The following PDZD2 variants were observed in gnomAD, a reference collection of about 807,000 sequenced individuals.
The protein encoded by PDZD2 is PDZ domain-containing protein 2.
Under a neutral mutation model 220.7 loss-of-function variants are expected in PDZD2, and 90 were observed. That is an observed-to-expected ratio of 0.41 (90% CI 0.34 to 0.49). PDZD2 has a LOEUF of 0.49. Ranked by LOEUF, PDZD2 falls within the 20% of genes least tolerant of loss-of-function variation. The pLI is 0.28. For synonymous variants in PDZD2, 1,375 were observed against 1,450.5 expected, an observed-to-expected ratio of 0.95 and a Z score of 1.18; for missense variants, 3,174 against 3,608.5, an observed-to-expected ratio of 0.88 and a Z score of 3.08.
chr5:32,008,428 C>T (rs1225171633), intron 5 of PDZD2, among the ~76,000 whole-genome samples: 1 of 151,782 alleles, frequency 6.6e-6, no homozygotes, highest in Non-Finnish European at 1.5e-5. Context: ...TTACAGTTGC[C>T]CGCCCACCAC....
intron 1 of PDZD2, among the ~76,000 whole-genome samples, chr5:31,682,384 G>T (rs189669924): frequency 2.4e-4 from 37 of 152,318 alleles, no homozygotes; most frequent in Admixed American, 7.8e-4. Context: ...TTAGTTGATA[G>T]CTTTGTGTTT....
intron 2 of PDZD2, among the ~76,000 whole-genome samples, chr5:31,913,721 A>G (rs986791747): frequency 6.6e-6 from 1 of 152,144 alleles, no homozygotes; most frequent in Non-Finnish European, 1.5e-5. Context: ...GGAAAAACCA[A>G]ATCTGTTTCT....
intron 1 of PDZD2, among the ~76,000 whole-genome samples, chr5:31,696,059 C>T (rs1036481956): frequency 3.9e-5 from 6 of 152,046 alleles, no homozygotes; most frequent in Admixed American, 2.6e-4. Context: ...GCTTGTACAC[C>T]CACTGAGCAA....
intron 4 of PDZD2, among the ~76,000 whole-genome samples, chr5:31,999,203 G>A (rs1751889782): frequency 6.8e-6 from 1 of 147,938 alleles, no homozygotes. Flanking sequence ...TACCTGCAGT[G>A]ACAGCAGTTT....
chr5:31,792,431 T>A (rs1034633903), intron 1 of PDZD2, among the ~76,000 whole-genome samples: 1 of 152,106 alleles, frequency 6.6e-6, no homozygotes, highest in Non-Finnish European at 1.5e-5. Context: ...TTTTGTTTTG[T>A]TTTTTTAGAC....
At chr5:31,810,248 T>C (rs919127857) in intron 2 of PDZD2, among the ~76,000 whole-genome samples, 1 of 20,206 alleles carries the variant, frequency 4.9e-5, no homozygotes, top group African/African-American at 1.5e-4. Flanking sequence ...TGACTTTTTC[T>C]TTTCTTCTCC....
At chr5:31,707,533 A>T (rs1427659658) in intron 1 of PDZD2, among the ~76,000 whole-genome samples, 1 of 152,168 alleles carries the variant, frequency 6.6e-6, no homozygotes, top group East Asian at 1.9e-4. Context: ...AAATTTCTGC[A>T]ACAAGTCACC....
chr5:31,814,972 G>A (rs1445200040), intron 2 of PDZD2, among the ~76,000 whole-genome samples: 1 of 151,916 alleles, frequency 6.6e-6, no homozygotes, highest in South Asian at 2.1e-4. Flanking sequence ...GCCGGGGGCG[G>A]TGGCTCATGC....
At chr5:31,919,610 G>C (rs1446827821) in intron 2 of PDZD2, among the ~76,000 whole-genome samples, 1 of 151,486 alleles carries the variant, frequency 6.6e-6, no homozygotes, top group Non-Finnish European at 1.5e-5. Flanking sequence ...GCAACCCAGA[G>C]TGCTGGGATT....
intron 19 of PDZD2, among the ~76,000 whole-genome samples, chr5:32,081,129 A>G (rs1337015359): frequency 6.6e-6 from 1 of 151,654 alleles, no homozygotes; most frequent in Non-Finnish European, 1.5e-5. Context: ...GGGTTGCTGC[A>G]TGTCAAGTTC....
chr5:31,781,217 C>G (rs532572915), intron 1 of PDZD2, among the ~76,000 whole-genome samples: 4 of 152,178 alleles, frequency 2.6e-5, no homozygotes, highest in Non-Finnish European at 5.9e-5. Context: ...AGTTCAAGGC[C>G]AGCCTGGCCA....
At chr5:31,666,703 C>T (rs1170139118) in intron 1 of PDZD2, among the ~76,000 whole-genome samples, 2 of 152,202 alleles carry the variant, frequency 1.3e-5, no homozygotes, top group African/African-American at 4.8e-5. Flanking sequence ...TCTGAGGCCA[C>T]GCGCTGGGCC....
intron 2 of PDZD2, among the ~76,000 whole-genome samples, chr5:31,978,714 C>CAAAAAAAA (rs10632600): frequency 0.014 from 1,824 of 127,900 alleles, 69 homozygotes; most frequent in African/African-American, 0.053. Flanking sequence ...GACTCCATCT[C>CAAAAAAAA]AAAAAAAAAA....
At chr5:32,003,689 G>A (rs576353874) in intron 5 of PDZD2, among the ~76,000 whole-genome samples, 1 of 152,088 alleles carries the variant, frequency 6.6e-6, no homozygotes, top group African/African-American at 2.4e-5. Context: ...TCTCTTGTTA[G>A]TTTTTTTGTT....
intron 2 of PDZD2, among the ~76,000 whole-genome samples, chr5:31,816,558 T>C (rs929535116): frequency 1.3e-5 from 2 of 151,298 alleles, no homozygotes; most frequent in Non-Finnish European, 2.9e-5. Context: ...ATGACTTTTC[T>C]TTTTTTTTAC....
At chr5:31,682,671 CTGTGTGTGTGTGTGTGTGTGTGTGTG>C (rs70955735) in intron 1 of PDZD2, among the ~76,000 whole-genome samples, 2 of 146,238 alleles carry the variant, frequency 1.4e-5, no homozygotes, top group Admixed American at 6.8e-5. Context: ...AGTCTTTCGG[CTGTGTGTGTGTGTGTGTGTGTGTGTG>C]TGTGTGTGTG....
intron 20 of PDZD2, among the ~76,000 whole-genome samples, chr5:32,091,754 C>T (rs190405319): frequency 3.3e-5 from 5 of 152,284 alleles, no homozygotes; most frequent in African/African-American, 4.8e-5. Flanking sequence ...TACTACATTC[C>T]ATTTTAGTGC....
In PDZD2 at chr5:31,884,863, A is replaced by T. The variant is rs1740300037; in HGVS notation, c.476+85139A>T. Among the ~76,000 whole-genome samples the T allele has an allele frequency of 2.6e-5, 4 of 152,094 alleles. No homozygotes were observed. The South Asian group carries it at 8.3e-4, about 32-fold the overall frequency. On this transcript the variant is annotated intron_variant, in intron 2 of 24. Coordinates refer to ENST00000438447, the MANE Select transcript of PDZD2 (RefSeq NM_178140.4). ...TTGCCATGTTGGCCAGGCTGGTTTC[A>T]AACTCTTGGCCTCAAATGATCCACC...
intron 5 of PDZD2, among the ~76,000 whole-genome samples, chr5:32,002,128 T>G (rs2112007833): frequency 6.6e-6 from 1 of 152,320 alleles, no homozygotes; most frequent in Non-Finnish European, 1.5e-5. Context: ...AGAAGAACAT[T>G]TTGGGCTATC....
Sources: gnomAD v4.1 joint callset for allele counts (sites outside exome capture counted in the v4.1 genomes callset) on GRCh38, gnomAD v4.1.1 for gene constraint, MANE v1.5 for transcripts, NCBI Gene and HGNC (gene_info 2026-07-23, HGNC 2026-07-21) for gene names.